Variants in VAV3 observed in about 807,000 individuals in gnomAD.
VAV3 encodes guanine nucleotide exchange factor VAV3.
Under a neutral mutation model 131.2 loss-of-function variants are expected in VAV3, and 94 were observed. The ratio of observed to expected loss-of-function variants is 0.72; its 90% CI spans 0.61 to 0.85. VAV3 has a LOEUF of 0.85. Among genes scored for constraint, VAV3 ranks in the 40% least tolerant of loss-of-function variants. The pLI is 0.00. For missense variants in VAV3, 939 were observed against 1,002.7 expected (o/e 0.94, Z 0.86); for synonymous variants, 349 against 342.0 (o/e 1.02, Z -0.22).
chr1:107,911,528 A>C (rs1672366615), intron 1 of VAV3, among the ~76,000 whole-genome samples: 1 of 152,224 alleles, frequency 6.6e-6, no homozygotes, highest in South Asian at 2.1e-4. Context: ...GATTTAAATC[A>C]TTTTTAAATC....
At chr1:107,744,074 C>A (rs1274395047) in intron 15 of VAV3, among the ~76,000 whole-genome samples, 1 of 152,180 alleles carries the variant, frequency 6.6e-6, no homozygotes, top group African/African-American at 2.4e-5. Flanking sequence ...TCTCAGGGCT[C>A]ATTCTGGGAA....
chr1:107,831,941 G>A (rs1571013635), intron 2 of VAV3, among the ~76,000 whole-genome samples: 1 of 152,232 alleles, frequency 6.6e-6, no homozygotes, highest in East Asian at 1.9e-4. Flanking sequence ...ACCAGTCACT[G>A]ATACAGAACC....
chr1:107,833,412 G>GT (rs1320216573), intron 2 of VAV3, among the ~76,000 whole-genome samples: 1 of 152,114 alleles, frequency 6.6e-6, no homozygotes, highest in Admixed American at 6.6e-5. Flanking sequence ...GGTTCATAAG[G>GT]TTTTAAGAAA....
chr1:107,811,060 A>G (rs1194362657), intron 2 of VAV3, among the ~76,000 whole-genome samples: 3 of 152,220 alleles, frequency 2.0e-5, no homozygotes, highest in Non-Finnish European at 4.4e-5. Flanking sequence ...TCTACTCATG[A>G]AGGTGCTCTG....
intron 20 of VAV3, among the ~76,000 whole-genome samples, chr1:107,624,699 A>G (rs1653877873): frequency 6.6e-6 from 1 of 152,232 alleles, no homozygotes; most frequent in African/African-American, 2.4e-5. Context: ...TCTGAGTCAT[A>G]GCACCATAAA....
intron 19 of VAV3, among the ~76,000 whole-genome samples, chr1:107,645,787 T>C (rs536292201): frequency 6.6e-6 from 1 of 152,166 alleles, no homozygotes; most frequent in Admixed American, 6.6e-5. Flanking sequence ...GATGTTCATA[T>C]TTCGAACAGT....
At chr1:107,898,714 A>G (rs1257406526) in intron 1 of VAV3, among the ~76,000 whole-genome samples, 3 of 152,202 alleles carry the variant, frequency 2.0e-5, no homozygotes, top group African/African-American at 7.2e-5. Flanking sequence ...TGTATCTCCT[A>G]TAAAAATATA....
chr1:107,854,944 C>A (rs1165231375), intron 2 of VAV3, among the ~76,000 whole-genome samples: 1 of 152,202 alleles, frequency 6.6e-6, no homozygotes, highest in Admixed American at 6.5e-5. Flanking sequence ...CCCTACATAG[C>A]GACCGAGCAT....
chr1:107,596,752 C>A (rs1651424936), intron 24 of VAV3, among the ~76,000 whole-genome samples: 1 of 152,166 alleles, frequency 6.6e-6, no homozygotes, highest in Non-Finnish European at 1.5e-5. Flanking sequence ...TACTTTCCTG[C>A]ACTTATTTTC....
intron 2 of VAV3, among the ~76,000 whole-genome samples, chr1:107,779,923 T>C (rs1665597006): frequency 2.6e-5 from 4 of 152,218 alleles, no homozygotes; most frequent in Non-Finnish European, 4.4e-5. Context: ...GCAGTTGCAC[T>C]AGCCACATTT....
At position 107,891,786 on chromosome 1, in the gene VAV3, C is replaced by T. The variant is rs746699118; in HGVS notation, c.205-16769G>A. 1.4e-3 allele frequency among the ~76,000 whole-genome samples: 189 copies of T among 135,780 alleles called. 3 individuals are homozygous for T. Among genetic ancestry groups the T allele is most frequent in the Non-Finnish European group, 2.5e-3 (162 of 65,430 alleles). 89.1% of individuals were successfully genotyped at this position (135,780 alleles called of 152,430 possible). ...CCCGGGAGGCAGAGGTTGCAGTGTG[C>T]GGAGACCGCGCCATTGCAGTCCAGC... On this transcript the variant is annotated intron_variant, in intron 1 of 26. Transcript: ENST00000370056.
chr1:107,797,048 C>A (rs1315799991), intron 2 of VAV3, among the ~76,000 whole-genome samples: 2 of 152,036 alleles, frequency 1.3e-5, no homozygotes, highest in African/African-American at 2.4e-5. Context: ...CAAATTACTA[C>A]AATATGTAAG....
At chr1:107,728,376 C>T (rs929387644) in intron 15 of VAV3, among the ~76,000 whole-genome samples, 3 of 152,172 alleles carry the variant, frequency 2.0e-5, no homozygotes, top group Non-Finnish European at 2.9e-5. Flanking sequence ...GCAAATTACT[C>T]TGTAGAGGAA....
At chr1:107,834,365 G>A (rs1471600616) in intron 2 of VAV3, among the ~76,000 whole-genome samples, 1 of 151,946 alleles carries the variant, frequency 6.6e-6, no homozygotes, top group East Asian at 1.9e-4. Flanking sequence ...AAACCACTGG[G>A]CCCCATGCAG....
At chr1:107,948,664 C>T (rs345280) in intron 1 of VAV3, among the ~76,000 whole-genome samples, 144,551 of 152,194 alleles carry the variant, frequency 0.95, 69,059 homozygotes, top group East Asian at 1. Context: ...GCCAACATGG[C>T]GAAATCCCAT....
chr1:107,881,155 T>G (rs949171167), intron 1 of VAV3, among the ~76,000 whole-genome samples: 2 of 152,170 alleles, frequency 1.3e-5, no homozygotes. Context: ...ACTAGAGAGA[T>G]GATGTGGCAT....
intron 2 of VAV3, among the ~76,000 whole-genome samples, chr1:107,852,841 C>G (rs1320989080): frequency 6.6e-6 from 1 of 152,110 alleles, no homozygotes; most frequent in Non-Finnish European, 1.5e-5. Flanking sequence ...AATGGTTTAT[C>G]AGCAACCACT....
rs72977656 is a variant in VAV3, at chr1:107,704,503, T to G, written c.1705+47A>C. On this transcript the variant is annotated intron_variant, in intron 17 of 26. Transcript: ENST00000370056. ...TAGGCCTTAATTATGTTTAGCAAATTTTATGTCCTCATTAAAAACAGAATT... is the reference window on the plus strand; with the variant it reads ...TAGGCCTTAATTATGTTTAGCAAATGTTATGTCCTCATTAAAAACAGAATT... 2,682 of 1,500,260 alleles carry G rather than the reference T, an allele frequency of 1.8e-3. 26 individuals carry two copies. The African/African-American group carries it at 0.022, about 12-fold the overall frequency. The allele number at this position is 1,500,260 out of a possible 1,614,324, so 92.9% of individuals were successfully genotyped here.
chr1:107,596,130 A>G (rs1651361613), intron 25 of VAV3, 82 bp downstream of exon 25: 1 of 1,538,384 alleles, frequency 6.5e-7, no homozygotes, highest in East Asian at 2.3e-5. Context: ...TATATTTTAA[A>G]ATTTGGAAGG....
Sources: gnomAD v4.1 joint callset for allele counts (sites outside exome capture counted in the v4.1 genomes callset) on GRCh38, gnomAD v4.1.1 for gene constraint, MANE v1.5 for transcripts, NCBI Gene and HGNC (gene_info 2026-07-23, HGNC 2026-07-21) for gene names.